Variants in PAPPA2 observed in about 807,000 individuals in gnomAD.
The protein encoded by PAPPA2 is pappalysin 2, also known as pappalysin-2.
PAPPA2 carries 86 observed loss-of-function variants against 176.4 expected under a neutral mutation model. The ratio of observed to expected loss-of-function variants is 0.49; its 90% CI spans 0.41 to 0.58. The LOEUF (loss-of-function observed/expected upper bound fraction) is 0.58. PAPPA2 is among the 20% of genes least tolerant of loss of function. The probability of loss-of-function intolerance (pLI) is 0.00; values close to 1 mark genes in which losing one functional copy is unlikely to be tolerated. For missense variants in PAPPA2, 2,073 were observed against 2,256.9 expected (o/e 0.92, Z 1.65); for synonymous variants, 809 against 852.2 (o/e 0.95, Z 0.88).
intron 1 of PAPPA2, among the ~76,000 whole-genome samples, chr1:176,502,056 G>A: frequency 6.6e-6 from 1 of 152,164 alleles, no homozygotes; most frequent in African/African-American, 2.4e-5. Flanking sequence ...TAGCTCTTAA[G>A]AAATAAGCAG....
intron 21 of PAPPA2, among the ~76,000 whole-genome samples, chr1:176,806,531 G>C (rs1365255595): frequency 6.6e-6 from 1 of 152,184 alleles, no homozygotes; most frequent in Non-Finnish European, 1.5e-5. Context: ...GGAATCAAAA[G>C]GCCTTGTAAC....
chr1:176,563,393 G>A (rs1279475356), intron 2 of PAPPA2, among the ~76,000 whole-genome samples: 1 of 152,192 alleles, frequency 6.6e-6, no homozygotes, highest in Non-Finnish European at 1.5e-5. Flanking sequence ...CTTTAAGGAA[G>A]TTTAAACCCC....
intron 1 of PAPPA2, among the ~76,000 whole-genome samples, chr1:176,539,748 C>T (rs1025740184): frequency 6.6e-6 from 1 of 152,206 alleles, no homozygotes; most frequent in Non-Finnish European, 1.5e-5. Context: ...TCCCTTTGGA[C>T]ACCTGATCTT....
intron 4 of PAPPA2, among the ~76,000 whole-genome samples, chr1:176,686,231 C>T (rs13375499): frequency 0.19 from 29,521 of 152,032 alleles, 3,150 homozygotes; most frequent in African/African-American, 0.29. Context: ...GTTTAATTGA[C>T]TAACAGTTCA....
chr1:176,674,027 A>G (rs1313106315), intron 4 of PAPPA2, among the ~76,000 whole-genome samples: 2 of 152,100 alleles, frequency 1.3e-5, no homozygotes, highest in East Asian at 3.9e-4. Context: ...TTCTTTTAAG[A>G]TATTTGTTAT....
intron 7 of PAPPA2, among the ~76,000 whole-genome samples, chr1:176,697,317 G>A (rs1400034426): frequency 6.6e-6 from 1 of 152,128 alleles, no homozygotes; most frequent in Non-Finnish European, 1.5e-5. Flanking sequence ...CCTTTATGCT[G>A]CTAGTATTGG....
rs537745540 is a variant in PAPPA2, at chr1:176,723,854, CCATTTA to C, written c.3798+11874_3798+11879del. On this transcript the variant is annotated intron_variant, in intron 12 of 22. Coordinates refer to ENST00000367662, the MANE Select transcript of PAPPA2 (RefSeq NM_020318.3). ...TTTACATAATAAGCACATTTTATAG[CCATTTA>C]TGGTTTACAAAGTACATTCTCATGC... Among the ~76,000 whole-genome samples, 15 of 151,990 alleles carry C rather than the reference CCATTTA, an allele frequency of 9.9e-5. No homozygotes were observed. The South Asian group carries it at 2.9e-3, about 30-fold the overall frequency.
Position 176,496,549 on chromosome 1 carries a change from A to G in PAPPA2, c.-917+33131A>G, listed in dbSNP as rs369153526. ...TGGCTCAGCAACAGGCCTGTTTCTCATTCTGGGCACCTCGTTGTCTTTGGT... is the reference window on the plus strand; with the variant it reads ...TGGCTCAGCAACAGGCCTGTTTCTCGTTCTGGGCACCTCGTTGTCTTTGGT... On this transcript the variant is annotated intron_variant, in intron 1 of 22. Coordinates refer to ENST00000367662, the MANE Select transcript of PAPPA2 (RefSeq NM_020318.3). Among the ~76,000 whole-genome samples, 7 of 152,094 alleles carry G rather than the reference A, an allele frequency of 4.6e-5. No individual in the cohort carries two copies. The South Asian group carries it at 1.5e-3, about 32-fold the overall frequency.
chr1:176,789,755 T>G lies in PAPPA2; in HGVS notation c.4716-54T>G, dbSNP rs1665091446. On this transcript the variant is annotated intron_variant, in intron 17 of 22. Coordinates refer to ENST00000367662, the MANE Select transcript of PAPPA2 (RefSeq NM_020318.3). Reference sequence around the variant, plus strand: ...GCCATATTGCTGAGGATCAAGTCTTTCATGACCTTCTTGAAAGATTCTGAT... The same window carrying G: ...GCCATATTGCTGAGGATCAAGTCTTGCATGACCTTCTTGAAAGATTCTGAT... 9 of 1,552,170 alleles carry G rather than the reference T, an allele frequency of 5.8e-6. 1 individual carries two copies. The South Asian group carries it at 1.1e-4, about 18-fold the overall frequency.
chr1:176,465,898 T>C (rs1299223720), intron 1 of PAPPA2, among the ~76,000 whole-genome samples: 2 of 152,272 alleles, frequency 1.3e-5, no homozygotes, highest in African/African-American at 4.8e-5. Context: ...TGGTATCTGG[T>C]TTTCTGTTCC....
At chr1:176,836,688 G>C (rs1254890056) in intron 21 of PAPPA2, 2 of 152,040 alleles carry the variant, frequency 1.3e-5, no homozygotes, top group Admixed American at 1.3e-4. Flanking sequence ...TCTCCATGGG[G>C]CCTAGATGTT....
intron 3 of PAPPA2, among the ~76,000 whole-genome samples, chr1:176,644,619 G>C (rs188015597): frequency 7.2e-5 from 11 of 151,822 alleles, no homozygotes; most frequent in African/African-American, 2.7e-4. Flanking sequence ...ATAGAGAAAG[G>C]GCTGGAAAAC....
chr1:176,791,279 A>C lies in PAPPA2; in HGVS notation c.4885-68A>C, dbSNP rs1665165396. The C allele has an allele frequency of 4.1e-6, 6 of 1,455,062 alleles. No individual in the cohort carries two copies. In the Admixed American group the frequency reaches 1.1e-4, roughly 27 times the overall value. 90.1% of individuals were successfully genotyped at this position (1,455,062 alleles called of 1,614,324 possible). On this transcript the variant is annotated intron_variant, in intron 18 of 22. Coordinates refer to ENST00000367662, the MANE Select transcript of PAPPA2 (RefSeq NM_020318.3). ...CTGGAGAATACTACCACTTAATCAG[A>C]CCACTTTTTTCAACTCTCAATAAAG... is the stretch of plus-strand genomic sequence containing the variant.
intron 1 of PAPPA2, among the ~76,000 whole-genome samples, chr1:176,521,373 A>G (rs1481353062): frequency 6.6e-6 from 1 of 152,116 alleles, no homozygotes; most frequent in Admixed American, 6.5e-5. Context: ...AGGAAGCCCA[A>G]GAAACCACAT....
At chr1:176,580,353 T>C (rs1432309876) in intron 2 of PAPPA2, among the ~76,000 whole-genome samples, 1 of 152,250 alleles carries the variant, frequency 6.6e-6, no homozygotes, top group Non-Finnish European at 1.5e-5. Flanking sequence ...TTCTTTTTTA[T>C]GGCTGAATAA....
At chr1:176,630,937 C>T (rs1427699756) in intron 3 of PAPPA2, among the ~76,000 whole-genome samples, 2 of 152,030 alleles carry the variant, frequency 1.3e-5, no homozygotes, top group Non-Finnish European at 2.9e-5. Flanking sequence ...TATAGCATGT[C>T]GATCAGGAAT....
At chr1:176,595,842 G>A (rs547625770) in intron 3 of PAPPA2, among the ~76,000 whole-genome samples, 4 of 152,296 alleles carry the variant, frequency 2.6e-5, no homozygotes, top group African/African-American at 9.6e-5. Context: ...TGTGTACACA[G>A]TGTGAAGCGC....
intron 4 of PAPPA2, among the ~76,000 whole-genome samples, chr1:176,687,520 C>G (rs533920292): frequency 1.3e-5 from 2 of 152,188 alleles, no homozygotes; most frequent in Non-Finnish European, 2.9e-5. Context: ...CCCATATTCT[C>G]AAGTGTTTTC....
chr1:176,591,085 GCACACACACACACACACA>G (rs66535582), intron 2 of PAPPA2, among the ~76,000 whole-genome samples: 476 of 142,352 alleles, frequency 3.3e-3, no homozygotes, highest in African/African-American at 0.012. Flanking sequence ...TCACACACAT[GCACACACACACACACACA>G]CACACACACA....
Sources: allele counts gnomAD v4.1 joint callset (sites outside exome capture counted in the v4.1 genomes callset), GRCh38; gene constraint gnomAD v4.1.1; transcripts MANE v1.5; gene names NCBI Gene and HGNC (gene_info 2026-07-23, HGNC 2026-07-21).